The following AFG2A variants were observed in gnomAD, a reference collection of about 807,000 sequenced individuals.
AFG2A encodes the protein ATPase family gene 2 protein homolog A.
the AFG2A span, among the ~76,000 whole-genome samples, chr4:123,016,352 C>T: frequency 3.3e-5 from 5 of 150,284 alleles, no homozygotes; most frequent in African/African-American, 1.2e-4. Context: ...GGAGGGGCTC[C>T]TCACTTCTCA....
chr4:123,002,882 T>C, the AFG2A span, among the ~76,000 whole-genome samples: 1 of 152,228 alleles, frequency 6.6e-6, no homozygotes, highest in Non-Finnish European at 1.5e-5. Context: ...TTCTCCTGGA[T>C]AATATCCTGC....
chr4:122,992,835 T>C, the AFG2A span, among the ~76,000 whole-genome samples: 1 of 152,206 alleles, frequency 6.6e-6, no homozygotes, highest in East Asian at 1.9e-4. Context: ...TAAGGTCAAA[T>C]GCGTTTTCTT....
chr4:123,168,440 T>C, the AFG2A span, among the ~76,000 whole-genome samples: 3 of 152,182 alleles, frequency 2.0e-5, no homozygotes, highest in Non-Finnish European at 2.9e-5. Context: ...AAAGTACATA[T>C]ATTTTTATAT....
chr4:123,189,833 T>G, the AFG2A span, among the ~76,000 whole-genome samples: 1 of 146,386 alleles, frequency 6.8e-6, no homozygotes, highest in Non-Finnish European at 1.5e-5. Flanking sequence ...TTTTTTTTTT[T>G]GGAGACAGGG....
chr4:123,150,525 C>G, the AFG2A span, among the ~76,000 whole-genome samples: 10 of 151,368 alleles, frequency 6.6e-5, no homozygotes, highest in African/African-American at 2.4e-4. Flanking sequence ...TTCACAATTG[C>G]TAAAAAGAGA....
At chr4:123,100,713 C>T in the AFG2A span, among the ~76,000 whole-genome samples, 1 of 151,888 alleles carries the variant, frequency 6.6e-6, no homozygotes, top group Non-Finnish European at 1.5e-5. Flanking sequence ...TCAGGAACAA[C>T]AACAAAGGTG....
chr4:123,211,204 T>C, the AFG2A span, among the ~76,000 whole-genome samples: 99 of 152,342 alleles, frequency 6.5e-4, 1 homozygote, highest in African/African-American at 2.3e-3. Context: ...AAGACCATCT[T>C]CTCATAAAAG....
At chr4:123,300,259 A>C in the AFG2A span, among the ~76,000 whole-genome samples, 1 of 152,216 alleles carries the variant, frequency 6.6e-6, no homozygotes, top group Admixed American at 6.5e-5. Context: ...TTCAAAACCT[A>C]AATCATCTTT....
the AFG2A span, among the ~76,000 whole-genome samples, chr4:123,234,902 G>T: frequency 6.6e-6 from 1 of 152,110 alleles, no homozygotes; most frequent in Non-Finnish European, 1.5e-5. Flanking sequence ...TATAAAGTGA[G>T]ACTAATAATA....
the AFG2A span, among the ~76,000 whole-genome samples, chr4:122,976,384 A>G: frequency 6.6e-6 from 1 of 152,234 alleles, no homozygotes; most frequent in Non-Finnish European, 1.5e-5. Flanking sequence ...AGCAAAGACA[A>G]AGAACTTAGT....
the AFG2A span, among the ~76,000 whole-genome samples, chr4:123,257,626 A>G: frequency 1.3e-5 from 2 of 152,216 alleles, no homozygotes; most frequent in African/African-American, 2.4e-5. Flanking sequence ...GACCATCCAT[A>G]AAGTTAAAAT....
At chr4:123,187,551 T>C in the AFG2A span, among the ~76,000 whole-genome samples, 1 of 152,194 alleles carries the variant, frequency 6.6e-6, no homozygotes, top group African/African-American at 2.4e-5. Flanking sequence ...TGGTATTCTG[T>C]TTGAAACTTG....
chr4:123,024,247 A>G, the AFG2A span, among the ~76,000 whole-genome samples: 1 of 150,252 alleles, frequency 6.7e-6, no homozygotes, highest in African/African-American at 2.4e-5. Flanking sequence ...AAAAAGAAAC[A>G]AAAGAAAAAA....
the AFG2A span, among the ~76,000 whole-genome samples, chr4:123,067,134 A>G: frequency 2.0e-5 from 3 of 152,156 alleles, no homozygotes; most frequent in Non-Finnish European, 2.9e-5. Flanking sequence ...AATTATCATA[A>G]GTAATGCTTT....
At chr4:123,203,899 T>C in the AFG2A span, among the ~76,000 whole-genome samples, 1 of 152,244 alleles carries the variant, frequency 6.6e-6, no homozygotes, top group Non-Finnish European at 1.5e-5. Flanking sequence ...CGGGCTAAAA[T>C]CAAAGTGTTG....
the AFG2A span, among the ~76,000 whole-genome samples, chr4:123,047,702 C>CTT: frequency 5.2e-3 from 748 of 144,848 alleles, 2 homozygotes; most frequent in Non-Finnish European, 8.1e-3. Context: ...TGTTTAAGTG[C>CTT]TTTTTTTTTT....
chr4:122,964,290 G>A, the AFG2A span, among the ~76,000 whole-genome samples: 1 of 151,924 alleles, frequency 6.6e-6, no homozygotes, highest in Non-Finnish European at 1.5e-5. Context: ...GACCACTTGA[G>A]GTCAGGAGTT....
At chr4:123,014,004 G>C in the AFG2A span, among the ~76,000 whole-genome samples, 3 of 152,220 alleles carry the variant, frequency 2.0e-5, no homozygotes, top group African/African-American at 7.2e-5. Context: ...TGGGTCATTT[G>C]GTTATGTAGT....
At chr4:123,062,086 A>G in the AFG2A span, among the ~76,000 whole-genome samples, 1 of 152,236 alleles carries the variant, frequency 6.6e-6, no homozygotes, top group East Asian at 1.9e-4. Flanking sequence ...TACCAGATAC[A>G]TAAGAGATGC....
Sources: gnomAD v4.1 joint callset for allele counts (sites outside exome capture counted in the v4.1 genomes callset) on GRCh38, gnomAD v4.1.1 for gene constraint, MANE v1.5 for transcripts, NCBI Gene and HGNC (gene_info 2026-07-23, HGNC 2026-07-21) for gene names.